SLC4A1AP: variants seen among roughly 807,000 people sequenced by gnomAD.
SLC4A1AP encodes kanadaptin.
SLC4A1AP carries 64 observed loss-of-function variants against 89.7 expected under a neutral mutation model. The observed-to-expected ratio is 0.71, with a 90% CI of 0.58 to 0.88. SLC4A1AP has a LOEUF of 0.88. Among genes scored for constraint, SLC4A1AP ranks in the 40% least tolerant of loss-of-function variants. The probability of loss-of-function intolerance (pLI) is 0.00; values close to 1 mark genes in which losing one functional copy is unlikely to be tolerated. For missense variants in SLC4A1AP, 931 were observed against 965.0 expected, an observed-to-expected ratio of 0.96 and a Z score of 0.47; for synonymous variants, 366 against 353.3, an observed-to-expected ratio of 1.04 and a Z score of -0.40.
chr2:27,687,055 C>G (rs115210737), intron 10 of SLC4A1AP, among the ~76,000 whole-genome samples: 3,675 of 152,238 alleles, frequency 0.024, 153 homozygotes, highest in African/African-American at 0.084. Context: ...CCTCTCACCT[C>G]AGCCTCCCAA....
chr2:27,671,544 G>C (rs905443821), intron 5 of SLC4A1AP, among the ~76,000 whole-genome samples: 2 of 152,166 alleles, frequency 1.3e-5, no homozygotes, highest in Admixed American at 1.3e-4. Context: ...TTTCTGAAGA[G>C]CACTATTTTT....
Position 27,664,286 on chromosome 2 carries a change from TG to T in SLC4A1AP, c.536del (p.Gly179AlafsTer5). On this transcript the variant is annotated frameshift_variant, in exon 1 of 14. Transcript: ENST00000613058. LOFTEE classifies it high-confidence loss of function. ...AGACCCTGAAGGGCGGCACTATCCTTGGCACCCGTAGCTTGAAAGGGACGAG... is the reference window on the plus strand; with the variant it reads ...AGACCCTGAAGGGCGGCACTATCCTTGCACCCGTAGCTTGAAAGGGACGAG... The T allele has an allele frequency of 6.2e-7, 1 of 1,614,164 alleles. No homozygotes were observed.
chr2:27,685,242 C>G, exon 10 of SLC4A1AP: 3 of 1,613,330 alleles, frequency 1.9e-6, no homozygotes, highest in Non-Finnish European at 2.5e-6. Context: ...AGGCCTCCCA[C>G]AGATCTCACA....
intron 1 of SLC4A1AP, 150 bp downstream of exon 1, chr2:27,664,727 C>T: frequency 1.5e-6 from 1 of 656,130 alleles, no homozygotes; most frequent in Non-Finnish European, 2.6e-6. Context: ...GACGGCTGTA[C>T]ACATTGCTAT....
chr2:27,674,017 TG>T (rs2148133947), intron 5 of SLC4A1AP, among the ~76,000 whole-genome samples: 1 of 151,662 alleles, frequency 6.6e-6, no homozygotes, highest in South Asian at 2.1e-4. Context: ...TGTGTGTGTG[TG>T]TGTGTGTGTG....
At chr2:27,667,875 G>A (rs1286683707) in intron 3 of SLC4A1AP, among the ~76,000 whole-genome samples, 5 of 151,126 alleles carry the variant, frequency 3.3e-5, no homozygotes, top group African/African-American at 7.3e-5. Context: ...TATTTTATAT[G>A]TATATATAAA....
At chr2:27,666,712 A>C (rs1675333093) in intron 2 of SLC4A1AP, among the ~76,000 whole-genome samples, 1 of 151,316 alleles carries the variant, frequency 6.6e-6, no homozygotes, top group Non-Finnish European at 1.5e-5. Flanking sequence ...AATGATGGAG[A>C]AAAAAAAATT....
chr2:27,664,205 TC>T lies in SLC4A1AP; in HGVS notation c.459del (p.Tyr154ThrfsTer16). On this transcript the variant is annotated frameshift_variant, in exon 1 of 14. Transcript: ENST00000613058. LOFTEE classifies it high-confidence loss of function. ...CTTCCCCTGGCGGTCCAGCCCGGGC[TC>T]CCCCCTACCAAGAGCCTCCATGGGG... 6.2e-7 allele frequency: 1 copy of T among 1,612,452 alleles called. No homozygotes were observed. Among genetic ancestry groups the T allele is most frequent in the Non-Finnish European group, 8.5e-7 (1 of 1,179,664 alleles).
At chr2:27,683,472 T>C (rs56205310) in intron 9 of SLC4A1AP, among the ~76,000 whole-genome samples, 96 of 152,286 alleles carry the variant, frequency 6.3e-4, no homozygotes, top group Non-Finnish European at 1.2e-3. Context: ...TCTTGCTGGC[T>C]CTTCAGATGG....
rs936869702 is a variant in SLC4A1AP at position 27,688,037 on chromosome 2, C to T, written c.2203+17C>T. ...GACCCTCAGGCAAGTAGTACGGCAGCCTTCATTGCTGCTCTGCACACAGGT... is the reference window on the plus strand; with the variant it reads ...GACCCTCAGGCAAGTAGTACGGCAGTCTTCATTGCTGCTCTGCACACAGGT... On this transcript the variant is annotated intron_variant, in intron 11 of 13. Transcript: ENST00000613058. The T allele has an allele frequency of 6.2e-7, 1 of 1,605,386 alleles. No individual in the cohort carries two copies. The highest frequency in any genetic ancestry group is 1.3e-5 in the African/African-American group (1 of 74,740).
intron 3 of SLC4A1AP, 179 bp from the exon 4 acceptor site, chr2:27,668,664 G>T: frequency 1.4e-6 from 1 of 702,528 alleles, no homozygotes; most frequent in Non-Finnish European, 2.6e-6. Context: ...TGCACAGACT[G>T]GTTTCGCGCT....
chr2:27,688,439 C>G (rs1675740127), intron 11 of SLC4A1AP, among the ~76,000 whole-genome samples: 1 of 152,108 alleles, frequency 6.6e-6, no homozygotes, highest in Non-Finnish European at 1.5e-5. Flanking sequence ...TAAAATCAGC[C>G]TCATTTTTTT....
chr2:27,667,907 A>C (rs1404945092), intron 3 of SLC4A1AP, among the ~76,000 whole-genome samples: 1 of 151,860 alleles, frequency 6.6e-6, no homozygotes. Flanking sequence ...ATAGCTGTGC[A>C]CTTAATATCT....
At chr2:27,677,638 G>C in intron 7 of SLC4A1AP, 100 bp from the exon 8 acceptor site, 1 of 968,590 alleles carries the variant, frequency 1.0e-6, no homozygotes, top group Non-Finnish European at 1.5e-6. Flanking sequence ...GATGTCCTCT[G>C]TCCGGTTTTA....
intron 9 of SLC4A1AP, 140 bp downstream of exon 9, chr2:27,682,499 T>G (rs1675635290): frequency 3.9e-6 from 2 of 519,356 alleles, no homozygotes; most frequent in South Asian, 5.5e-5. Flanking sequence ...TGATCACATC[T>G]TTCCCAGAAC....
At chr2:27,665,168 G>A (rs1675292152) in exon 2 of SLC4A1AP, 1 of 1,613,896 alleles carries the variant, frequency 6.2e-7, no homozygotes. Flanking sequence ...TGCGCAAGCA[G>A]CAGCAAATAT....
exon 5 of SLC4A1AP, chr2:27,669,348 C>T (rs762989146): frequency 1.4e-5 from 22 of 1,613,016 alleles, no homozygotes; most frequent in South Asian, 1.1e-4. Flanking sequence ...GGAAGCTTGT[C>T]GGATTCTTGA....
At chr2:27,682,524 C>CTTTT (rs1169902483) in intron 9 of SLC4A1AP, among the ~76,000 whole-genome samples, 165 bp downstream of exon 9, 1 of 44,740 alleles carries the variant, frequency 2.2e-5, no homozygotes, top group African/African-American at 5.4e-5. Flanking sequence ...TTCTTGGATT[C>CTTTT]TTTTTTTTTT....
At position 27,682,227 on chromosome 2, in the gene SLC4A1AP, A is replaced by G. The variant is rs767302201; in HGVS notation, c.1764-21A>G. ...TTGGGACTCCCTGGAATAGATGTGT[A>G]TAATTATTCTTTCTTCCTAGGACTG... On this transcript the variant is annotated intron_variant, in intron 8 of 13. Transcript: ENST00000613058. The G allele has an allele frequency of 6.5e-6, 10 of 1,527,836 alleles. No homozygotes were observed. The South Asian group carries it at 1.0e-4, about 16-fold the overall frequency. The allele number at this position is 1,527,836 out of a possible 1,614,324, so 94.6% of individuals were successfully genotyped here. A position where few individuals can be genotyped will look rare whatever the true frequency, so the allele number is the denominator to read the frequency against.
Sources: gnomAD v4.1 joint callset for allele counts (sites outside exome capture counted in the v4.1 genomes callset) on GRCh38, gnomAD v4.1.1 for gene constraint, MANE v1.5 for transcripts, NCBI Gene and HGNC (gene_info 2026-07-23, HGNC 2026-07-21) for gene names.